STAG1: variants seen among roughly 807,000 people sequenced by gnomAD.
The protein encoded by STAG1 is cohesin subunit SA-1.
STAG1 carries 26 observed loss-of-function variants against 170.9 expected under a neutral mutation model. The observed-to-expected ratio is 0.15, with a 90% confidence interval of 0.11 to 0.21. The LOEUF (loss-of-function observed/expected upper bound fraction) is 0.21, where lower values mean the gene tolerates loss of function less well. Ranked by LOEUF, STAG1 falls within the 10% of genes least tolerant of loss-of-function variation. The pLI, the probability that STAG1 is intolerant of heterozygous loss-of-function variation, is 1.00. For missense variants in STAG1, 964 were observed against 1,509.5 expected, an observed-to-expected ratio of 0.64 and a Z score of 5.99; for synonymous variants, 514 against 497.7, an observed-to-expected ratio of 1.03 and a Z score of -0.44.
chr3:136,341,797 G>A (rs774245017), intron 30 of STAG1, among the ~76,000 whole-genome samples: 6 of 152,188 alleles, frequency 3.9e-5, no homozygotes, highest in African/African-American at 1.4e-4. Context: ...GCCAAACAAG[G>A]GTTCTCAGAC....
chr3:136,507,530 TA>T (rs201518143), intron 7 of STAG1, among the ~76,000 whole-genome samples: 1 of 150,940 alleles, frequency 6.6e-6, no homozygotes, highest in East Asian at 1.9e-4. Context: ...CCCAGCTAAT[TA>T]AAAAAAAAAT....
chr3:136,344,042 GGTGGA>G, intron 29 of STAG1, 36 bp from the exon 30 acceptor site: 1 of 1,488,088 alleles, frequency 6.7e-7, no homozygotes, highest in Non-Finnish European at 9.0e-7. Flanking sequence ...CAATGTCGTG[GGTGGA>G]GTGAACTCTG....
rs745636719 is a variant in STAG1, at chr3:136,521,235, A to G, written c.654T>C (p.Phe218=). The change falls in exon 7 of 34, where the codon TTT becomes TTC. Residue 218 remains phenylalanine, a synonymous_variant. Coordinates refer to ENST00000383202, the MANE Select transcript of STAG1 (RefSeq NM_005862.3). ...TACCAGCCAGGGTACTTGTATGCCTAAAAGCTCTGACCTGGGAGTCTGACA... is the reference window on the plus strand; with the variant it reads ...TACCAGCCAGGGTACTTGTATGCCTGAAAGCTCTGACCTGGGAGTCTGACA... ...TGLSDSQVRA[F]RHTSTLAAMK... 1.1e-5 allele frequency: 18 copies of G among 1,613,728 alleles called. 1 individual carries two copies. In the South Asian group the frequency reaches 1.5e-4, roughly 14 times the overall value.
intron 12 of STAG1, among the ~76,000 whole-genome samples, chr3:136,470,793 A>C (rs1317053122): frequency 6.6e-6 from 1 of 152,214 alleles, no homozygotes; most frequent in Non-Finnish European, 1.5e-5. Flanking sequence ...ACCATGGAAT[A>C]GTATGCAGCC....
At chr3:136,616,920 A>G (rs886551235) in intron 3 of STAG1, among the ~76,000 whole-genome samples, 12 of 152,244 alleles carry the variant, frequency 7.9e-5, no homozygotes, top group Non-Finnish European at 1.3e-4. Flanking sequence ...TAAAAATTAG[A>G]AAAGACTTAA....
intron 6 of STAG1, among the ~76,000 whole-genome samples, chr3:136,526,815 T>TTC (rs1483857959): frequency 6.6e-6 from 1 of 152,188 alleles, no homozygotes; most frequent in Non-Finnish European, 1.5e-5. Context: ...TAGCATTTGT[T>TTC]TGTCTCTAAA....
intron 6 of STAG1, among the ~76,000 whole-genome samples, chr3:136,539,050 C>T (rs1935773345): frequency 1.3e-5 from 2 of 151,334 alleles, no homozygotes; most frequent in Non-Finnish European, 2.9e-5. Context: ...AGGAGAATGG[C>T]GTGAACCCAG....
intron 25 of STAG1, among the ~76,000 whole-genome samples, chr3:136,365,832 G>C (rs1414730938): frequency 6.6e-6 from 1 of 151,950 alleles, no homozygotes; most frequent in East Asian, 1.9e-4. Context: ...TCAATAATTA[G>C]TTTGACAAGT....
At chr3:136,342,514 CTG>C (rs1351952967) in intron 30 of STAG1, among the ~76,000 whole-genome samples, 2 of 151,192 alleles carry the variant, frequency 1.3e-5, no homozygotes, top group Non-Finnish European at 2.9e-5. Flanking sequence ...GAGACAGAGT[CTG>C]TGTCACCCAG....
intron 1 of STAG1, among the ~76,000 whole-genome samples, chr3:136,632,819 G>A (rs913974923): frequency 3.9e-5 from 6 of 152,136 alleles, no homozygotes; most frequent in African/African-American, 1.4e-4. Flanking sequence ...CTAAGGCCAA[G>A]CTGCAAATGG....
intron 1 of STAG1, among the ~76,000 whole-genome samples, chr3:136,745,008 A>T (rs1934865454): frequency 6.6e-6 from 1 of 152,158 alleles, no homozygotes; most frequent in South Asian, 2.1e-4. Flanking sequence ...AAGATCAGAA[A>T]ATATCAGAGT....
chr3:136,469,563 G>A (rs1334696044), intron 12 of STAG1, among the ~76,000 whole-genome samples: 5 of 152,152 alleles, frequency 3.3e-5, no homozygotes, highest in Non-Finnish European at 5.9e-5. Flanking sequence ...TACTGCCCAA[G>A]GTAATTTATA....
chr3:136,507,736 G>A (rs552702920), intron 7 of STAG1, among the ~76,000 whole-genome samples: 5 of 152,160 alleles, frequency 3.3e-5, no homozygotes, highest in Admixed American at 2.0e-4. Flanking sequence ...TAAAAATAAT[G>A]TCTATGAAAT....
chr3:136,370,048 TTACTATACTATACTATACTA>T (rs71157375), intron 23 of STAG1, among the ~76,000 whole-genome samples: 42,908 of 150,112 alleles, frequency 0.29, 6,807 homozygotes, highest in African/African-American at 0.42. Context: ...GCGTATGTAT[TTACTATACTATACTATACTA>T]TACTATACTA....
chr3:136,549,061 T>G (rs1403074903), intron 5 of STAG1, among the ~76,000 whole-genome samples: 1 of 152,216 alleles, frequency 6.6e-6, no homozygotes, highest in Non-Finnish European at 1.5e-5. Flanking sequence ...ACCTCTTTAC[T>G]TTATAAATTA....
At chr3:136,523,050 G>A (rs1049949035) in intron 6 of STAG1, among the ~76,000 whole-genome samples, 1 of 152,096 alleles carries the variant, frequency 6.6e-6, no homozygotes, top group African/African-American at 2.4e-5. Context: ...GGTCTTTATA[G>A]CAGCATGATT....
chr3:136,557,807 A>G (rs973156094), intron 5 of STAG1, among the ~76,000 whole-genome samples: 2 of 152,114 alleles, frequency 1.3e-5, no homozygotes, highest in East Asian at 1.9e-4. Context: ...CCAAAGTGCT[A>G]TTACTGCAGG....
chr3:136,416,977 C>T (rs933975841), intron 21 of STAG1, among the ~76,000 whole-genome samples: 2 of 151,706 alleles, frequency 1.3e-5, no homozygotes, highest in Non-Finnish European at 2.9e-5. Flanking sequence ...TCCCAAGTAG[C>T]TGGGGACTAC....
At chr3:136,652,643 AATT>A (rs770445845) in intron 1 of STAG1, among the ~76,000 whole-genome samples, 4 of 152,194 alleles carry the variant, frequency 2.6e-5, no homozygotes, top group Non-Finnish European at 4.4e-5. Context: ...AGAATCTACA[AATT>A]ATTAGACTCA....
Sources: gnomAD v4.1 joint callset for allele counts (sites outside exome capture counted in the v4.1 genomes callset) on GRCh38, gnomAD v4.1.1 for gene constraint, MANE v1.5 for transcripts, NCBI Gene and HGNC (gene_info 2026-07-23, HGNC 2026-07-21) for gene names.